AMMECR1: variants seen among roughly 807,000 people sequenced by gnomAD.
AMMECR1 encodes the protein AMMECR nuclear protein 1, also known as nuclear protein AMMECR1.
In AMMECR1, 3 loss-of-function variants were observed where a neutral mutation model predicts 22.5. The observed-to-expected ratio is 0.13, with a 90% CI of 0.06 to 0.35. The LOEUF (loss-of-function observed/expected upper bound fraction) is 0.35. Among genes scored for constraint, AMMECR1 ranks in the 10% least tolerant of loss-of-function variants. The probability of loss-of-function intolerance (pLI) is 1.00; values close to 1 mark genes in which losing one functional copy is unlikely to be tolerated. For missense variants in AMMECR1, 235 were observed against 278.7 expected, an observed-to-expected ratio of 0.84 and a Z score of 1.12; for synonymous variants, 130 against 116.7, an observed-to-expected ratio of 1.11 and a Z score of -0.74.
At chrX:110,213,919 A>T (rs111312736) in intron 3 of AMMECR1, among the ~76,000 whole-genome samples, 3,276 of 110,936 alleles carry the variant, frequency 0.03, 127 homozygotes, top group African/African-American at 0.1. Flanking sequence ...TAGCATAGCC[A>T]TTCTAACAGT....
chrX:110,211,519 T>C (rs1019027414), intron 3 of AMMECR1, among the ~76,000 whole-genome samples: 4 of 112,204 alleles, frequency 3.6e-5, no homozygotes, highest in Non-Finnish European at 5.6e-5. Flanking sequence ...ACATGCTGCA[T>C]GAGTTTTTCT....
intron 2 of AMMECR1, among the ~76,000 whole-genome samples, chrX:110,226,476 G>A (rs760559750): frequency 4.5e-5 from 5 of 111,341 alleles, no homozygotes; most frequent in Non-Finnish European, 9.4e-5. Flanking sequence ...GCATGGTGGT[G>A]GATGCCTGTA....
At chrX:110,203,757 C>T (rs937870204) in intron 3 of AMMECR1, among the ~76,000 whole-genome samples, 14 of 111,502 alleles carry the variant, frequency 1.3e-4, no homozygotes, top group African/African-American at 4.6e-4. Context: ...TCTTTTGCTT[C>T]TTCTACCCCC....
intron 1 of AMMECR1, among the ~76,000 whole-genome samples, chrX:110,427,888 C>G: frequency 8.9e-6 from 1 of 111,782 alleles, no homozygotes; most frequent in East Asian, 2.8e-4. Context: ...CTGTGCCCAT[C>G]CCTTCCTCCC....
intron 1 of AMMECR1, among the ~76,000 whole-genome samples, chrX:110,290,601 A>T (rs1001201286): frequency 9.0e-6 from 1 of 111,431 alleles, no homozygotes; most frequent in African/African-American, 3.3e-5. Flanking sequence ...GAAATATTTA[A>T]TATTATTAAA....
chrX:110,421,045 G>C (rs1291112817), intron 2 of AMMECR1, among the ~76,000 whole-genome samples: 1 of 112,007 alleles, frequency 8.9e-6, no homozygotes, highest in Non-Finnish European at 1.9e-5. Context: ...GCGTGAAAAG[G>C]CAATCATGAT....
intron 2 of AMMECR1, among the ~76,000 whole-genome samples, chrX:110,410,773 T>C (rs1454891465): frequency 9.0e-6 from 1 of 111,215 alleles, no homozygotes; most frequent in Non-Finnish European, 1.9e-5. Flanking sequence ...AGATAACCTT[T>C]TGGATCCTAG....
intron 1 of AMMECR1, among the ~76,000 whole-genome samples, chrX:110,304,557 G>A (rs1247856435): frequency 2.7e-5 from 3 of 112,072 alleles, no homozygotes; most frequent in Admixed American, 9.4e-5. Context: ...AGCTGAATGC[G>A]TACTGAAGAA....
intron 2 of AMMECR1, among the ~76,000 whole-genome samples, chrX:110,424,337 A>G (rs2068739507): frequency 9.0e-6 from 1 of 111,270 alleles, no homozygotes; most frequent in South Asian, 3.8e-4. Flanking sequence ...TACTATTACT[A>G]CTACTGCTAC....
intron 2 of AMMECR1, among the ~76,000 whole-genome samples, chrX:110,254,242 G>T (rs967660404): frequency 1.4e-4 from 16 of 111,723 alleles, no homozygotes; most frequent in African/African-American, 4.9e-4. Flanking sequence ...AATTATGACT[G>T]TACAAATCCA....
rs142208020 is a variant in AMMECR1, at chrX:110,367,276, A to G, written c.-147-49427T>C. On this transcript the variant is annotated intron_variant, in intron 2 of 7. Transcript: ENST00000372057. ...CCCATTTCTCTCCTCCTCAGAGCAA[A>G]AATTCTGGAATGAGTTGTCTCTGCT... Among the ~76,000 whole-genome samples, 265 of 111,751 alleles carry G rather than the reference A, an allele frequency of 2.4e-3. 1 individual carries two copies. Among genetic ancestry groups the G allele is most frequent in the Middle Eastern group, 4.6e-3 (1 of 217 alleles).
At chrX:110,410,019 G>C (rs1569424075) in intron 2 of AMMECR1, among the ~76,000 whole-genome samples, 1 of 112,007 alleles carries the variant, frequency 8.9e-6, no homozygotes, top group Non-Finnish European at 1.9e-5. Context: ...ATGAGGACTT[G>C]AATTATCTGC....
At chrX:110,229,612 G>C (rs1433572970) in intron 2 of AMMECR1, among the ~76,000 whole-genome samples, 4 of 112,262 alleles carry the variant, frequency 3.6e-5, no homozygotes, top group Non-Finnish European at 5.6e-5. Context: ...GATGATTTCT[G>C]CATTTCCAAC....
At chrX:110,349,453 A>G (rs1040162466) in intron 2 of AMMECR1, among the ~76,000 whole-genome samples, 1 of 111,655 alleles carries the variant, frequency 9.0e-6, no homozygotes, top group Non-Finnish European at 1.9e-5. Context: ...CTGACCTCCA[A>G]ATACTACCAC....
At chrX:110,414,496 G>A (rs768109252) in intron 2 of AMMECR1, among the ~76,000 whole-genome samples, 20 of 112,850 alleles carry the variant, frequency 1.8e-4, no homozygotes, top group Non-Finnish European at 3.4e-4. Context: ...TGCATGCAGT[G>A]TTTCATTTAA....
At chrX:110,327,213 A>G (rs2068101045) in intron 2 of AMMECR1, among the ~76,000 whole-genome samples, 1 of 112,050 alleles carries the variant, frequency 8.9e-6, no homozygotes, top group Non-Finnish European at 1.9e-5. Context: ...AGACAGTATT[A>G]GAAGCCATGG....
chrX:110,405,099 C>G lies in AMMECR1; in HGVS notation c.-148+21559G>C, dbSNP rs776491130. ...GTGTGCTTGTTGTGTCCCCCCCCCC[C>G]CCAAGCATGAGTCAGAGCCTTTCAT... On this transcript the variant is annotated intron_variant, in intron 2 of 7. Coordinates refer to the AMMECR1 transcript ENST00000372057. Among the ~76,000 whole-genome samples the G allele has an allele frequency of 1.5e-3, 157 of 101,303 alleles. 1 individual carries two copies. Among genetic ancestry groups the G allele is most frequent in the East Asian group, 8.4e-3 (26 of 3,105 alleles). 88.0% of individuals were successfully genotyped at this position (101,303 alleles called of 115,157 possible). A position where few individuals can be genotyped will look rare whatever the true frequency, so the allele number is the denominator to read the frequency against.
intron 1 of AMMECR1, among the ~76,000 whole-genome samples, chrX:110,434,099 A>T (rs2068818634): frequency 8.9e-6 from 1 of 111,804 alleles, no homozygotes. Flanking sequence ...GTCAGGAGGA[A>T]CAGTGGAGGC....
At chrX:110,264,670 G>T in intron 1 of AMMECR1, 71 bp from the exon 2 acceptor site, 1 of 868,754 alleles carries the variant, frequency 1.2e-6, no homozygotes, top group Non-Finnish European at 1.7e-6. Context: ...AGTATTGACT[G>T]TCTGCTAGGT....
Sources: gnomAD v4.1 joint callset for allele counts (sites outside exome capture counted in the v4.1 genomes callset) on GRCh38, gnomAD v4.1.1 for gene constraint, MANE v1.5 for transcripts, NCBI Gene and HGNC (gene_info 2026-07-23, HGNC 2026-07-21) for gene names.